Variants in ANTXR1 observed in about 807,000 individuals in gnomAD.
ANTXR1 encodes anthrax toxin receptor 1.
ANTXR1 carries 19 observed loss-of-function variants against 78.1 expected under a neutral mutation model. The ratio of observed to expected loss-of-function variants is 0.24; its 90% CI spans 0.17 to 0.36. The LOEUF (loss-of-function observed/expected upper bound fraction) is 0.36, where lower values mean the gene tolerates loss of function less well. Among genes scored for constraint, ANTXR1 ranks in the 10% least tolerant of loss-of-function variants. The pLI is 1.00. For synonymous variants in ANTXR1, 273 were observed against 260.5 expected, an observed-to-expected ratio of 1.05 and a Z score of -0.46; for missense variants, 518 against 718.6, an observed-to-expected ratio of 0.72 and a Z score of 3.19.
At chr2:69,031,072 T>C (rs1158670099) in intron 1 of ANTXR1, among the ~76,000 whole-genome samples, 1 of 152,216 alleles carries the variant, frequency 6.6e-6, no homozygotes, top group East Asian at 1.9e-4. Flanking sequence ...AGTTGAGTAG[T>C]TGCCACGGAG....
chr2:69,105,405 C>G (rs539863982), intron 10 of ANTXR1, among the ~76,000 whole-genome samples: 27 of 152,164 alleles, frequency 1.8e-4, no homozygotes, highest in Non-Finnish European at 3.7e-4. Flanking sequence ...GCAAGCAACA[C>G]CCCAAAACTC....
In ANTXR1 at chr2:69,077,506, T is replaced by C. The variant is rs749173820; in HGVS notation, c.642+18T>C. 5.6e-6 allele frequency: 9 copies of C among 1,613,580 alleles called. No homozygotes were observed. In the East Asian group the frequency reaches 1.1e-4, roughly 20 times the overall value. ...TCCACTCAGTAAGTAGAGCTCTTCC[T>C]CTGAGACTAGACATTCAGGCACCTT... On this transcript the variant is annotated intron_variant, in intron 8 of 17. Transcript: ENST00000303714.
intron 10 of ANTXR1, among the ~76,000 whole-genome samples, chr2:69,119,066 C>G (rs962522957): frequency 6.6e-6 from 1 of 151,922 alleles, no homozygotes; most frequent in Admixed American, 6.6e-5. Context: ...ATTTGGTCTC[C>G]CAAGCAGAAA....
intron 12 of ANTXR1, among the ~76,000 whole-genome samples, chr2:69,132,517 C>G (rs376925413): frequency 6.6e-6 from 1 of 152,228 alleles, no homozygotes; most frequent in Non-Finnish European, 1.5e-5. Flanking sequence ...TGAATTTCAC[C>G]AGCCCGGTAG....
At chr2:69,187,419 AAAG>A (rs1205438614) in intron 16 of ANTXR1, among the ~76,000 whole-genome samples, 1 of 151,866 alleles carries the variant, frequency 6.6e-6, no homozygotes, top group Non-Finnish European at 1.5e-5. Context: ...TTAAAAACCA[AAAG>A]AAGAAAAAAA....
At chr2:69,161,103 C>T (rs752689858) in intron 13 of ANTXR1, among the ~76,000 whole-genome samples, 2 of 152,194 alleles carry the variant, frequency 1.3e-5, no homozygotes, top group Non-Finnish European at 2.9e-5. Flanking sequence ...GTAACCCAGG[C>T]AGAGGCCAGA....
At position 69,180,016 on chromosome 2, in the gene ANTXR1, C is replaced by T. The variant is rs541506913; in HGVS notation, c.1090-1770C>T. On this transcript the variant is annotated intron_variant, in intron 14 of 17. Coordinates refer to ENST00000303714, the MANE Select transcript of ANTXR1 (RefSeq NM_032208.3). ...AAGTGTCAGCTGTCAGAATGTTGTA[C>T]GTCCTAGTCTGCTGTGACCTCTCTG... Among the ~76,000 whole-genome samples the T allele has an allele frequency of 4.6e-5, 7 of 152,306 alleles. No individual in the cohort carries two copies. The East Asian group carries it at 7.7e-4, about 17-fold the overall frequency.
rs1231073373 is a variant in ANTXR1, at chr2:69,249,308, T to A, written c.*3823T>A. 6.6e-6 allele frequency: 1 copy of A among 152,172 alleles called. No homozygotes were observed. Among genetic ancestry groups the A allele is most frequent in the Non-Finnish European group, 1.5e-5 (1 of 68,004 alleles). 9.4% of individuals were successfully genotyped at this position (152,172 alleles called of 1,614,324 possible). A position where few individuals can be genotyped will look rare whatever the true frequency, so the allele number is the denominator to read the frequency against. ...CTGGAAGTTGCTTTTTTAAAAAAAA[T>A]AATAAATTTCTTAAATCAACTCTTT... On this transcript the variant is annotated 3_prime_UTR_variant, in exon 18 of 18. Transcript: ENST00000303714.
chr2:69,082,952 G>T (rs769455909), intron 8 of ANTXR1, among the ~76,000 whole-genome samples: 1 of 152,188 alleles, frequency 6.6e-6, no homozygotes, highest in African/African-American at 2.4e-5. Flanking sequence ...AGGATTTCTC[G>T]CAAGCTGTGG....
chr2:69,236,906 CTG>C (rs1386788739), intron 17 of ANTXR1, among the ~76,000 whole-genome samples: 1 of 152,206 alleles, frequency 6.6e-6, no homozygotes, highest in Non-Finnish European at 1.5e-5. Context: ...GGGTGTGTGT[CTG>C]TGTTCTGTAA....
chr2:69,100,632 T>G (rs1388875152), intron 9 of ANTXR1, among the ~76,000 whole-genome samples: 1 of 152,178 alleles, frequency 6.6e-6, no homozygotes, highest in African/African-American at 2.4e-5. Context: ...CTGCTGATCT[T>G]TGAGGAAACA....
chr2:69,113,008 A>G (rs1422630505), intron 10 of ANTXR1, among the ~76,000 whole-genome samples: 1 of 152,206 alleles, frequency 6.6e-6, no homozygotes, highest in Admixed American at 6.5e-5. Flanking sequence ...GACACAGTCC[A>G]AAGTTAGCTG....
intron 16 of ANTXR1, among the ~76,000 whole-genome samples, chr2:69,192,458 C>T (rs189505778): frequency 2.0e-5 from 3 of 152,236 alleles, no homozygotes; most frequent in Non-Finnish European, 2.9e-5. Context: ...TGCTTCTATC[C>T]GCACATCTCC....
chr2:69,192,133 A>C (rs1168676888), intron 16 of ANTXR1, among the ~76,000 whole-genome samples: 2 of 152,200 alleles, frequency 1.3e-5, no homozygotes, highest in South Asian at 4.1e-4. Context: ...TTAACATAGA[A>C]TATATCAGGG....
chr2:69,216,079 G>C lies in ANTXR1; in HGVS notation c.1434+22664G>C, dbSNP rs75689608. 1.8e-3 allele frequency among the ~76,000 whole-genome samples: 270 copies of C among 152,328 alleles called. 1 individual carries two copies. The highest frequency in any genetic ancestry group is 4.7e-3 in the African/African-American group (194 of 41,574). On this transcript the variant is annotated intron_variant, in intron 17 of 17. Transcript: ENST00000303714. ...CTTTTAGAGGCTTGCCAGGGAGACC[G>C]TGTGTGCCAGGAGGTGAAAAGGAAG...
At chr2:69,146,162 G>A in intron 12 of ANTXR1, 8 of 985,376 alleles carry the variant, frequency 8.1e-6, no homozygotes, top group Non-Finnish European at 9.6e-6. Flanking sequence ...CTCCTTAATA[G>A]CGGGCCTCTG....
chr2:69,071,915 C>T, intron 5 of ANTXR1, 128 bp downstream of exon 5: 2 of 869,814 alleles, frequency 2.3e-6, no homozygotes, highest in South Asian at 3.1e-5. Flanking sequence ...CTTAGACACA[C>T]ATTTCATCAC....
intron 10 of ANTXR1, among the ~76,000 whole-genome samples, chr2:69,117,876 C>T (rs1008070125): frequency 6.6e-6 from 1 of 152,072 alleles, no homozygotes; most frequent in Admixed American, 6.5e-5. Context: ...ATATCCTCTG[C>T]CCCTCTCTGT....
intron 8 of ANTXR1, among the ~76,000 whole-genome samples, chr2:69,080,327 C>CG (rs1270652057): frequency 6.6e-6 from 1 of 152,174 alleles, no homozygotes; most frequent in South Asian, 2.1e-4. Flanking sequence ...TCTCAATTTC[C>CG]CCCCCATCTG....
Sources: allele counts gnomAD v4.1 joint callset (sites outside exome capture counted in the v4.1 genomes callset), GRCh38; gene constraint gnomAD v4.1.1; transcripts MANE v1.5; gene names NCBI Gene and HGNC (gene_info 2026-07-23, HGNC 2026-07-21).